BTRC: variants seen among roughly 807,000 people sequenced by gnomAD.
BTRC encodes beta-transducin repeat containing E3 ubiquitin protein ligase.
BTRC carries 42 observed loss-of-function variants against 85.5 expected under a neutral mutation model. The ratio of observed to expected loss-of-function variants is 0.49; its 90% CI spans 0.38 to 0.64. The LOEUF (loss-of-function observed/expected upper bound fraction) is 0.64, where lower values mean the gene tolerates loss of function less well. Among genes scored for constraint, BTRC ranks in the 30% least tolerant of loss-of-function variants. The probability of loss-of-function intolerance (pLI) is 0.00; values close to 1 mark genes in which losing one functional copy is unlikely to be tolerated. For missense variants in BTRC, 594 were observed against 743.5 expected, an observed-to-expected ratio of 0.80 and a Z score of 2.34; for synonymous variants, 255 against 263.3, an observed-to-expected ratio of 0.97 and a Z score of 0.30.
chr10:101,357,444 A>AAG (rs916075420), intron 1 of BTRC, among the ~76,000 whole-genome samples: 1 of 148,890 alleles, frequency 6.7e-6, no homozygotes, highest in African/African-American at 2.4e-5. Context: ...CTGTCTCAAA[A>AAG]AAAAAAAAAA....
At chr10:101,505,711 G>A (rs1589564783) in intron 4 of BTRC, among the ~76,000 whole-genome samples, 1 of 151,808 alleles carries the variant, frequency 6.6e-6, no homozygotes, top group African/African-American at 2.4e-5. Flanking sequence ...GAAATTATGG[G>A]CAATTTCCAT....
chr10:101,369,480 C>T (rs567500380), intron 1 of BTRC, among the ~76,000 whole-genome samples: 1 of 152,130 alleles, frequency 6.6e-6, no homozygotes, highest in Non-Finnish European at 1.5e-5. Flanking sequence ...TGTCATTGAG[C>T]ATTTTCTTGT....
intron 1 of BTRC, among the ~76,000 whole-genome samples, chr10:101,386,157 C>T (rs947494770): frequency 7.9e-5 from 12 of 152,184 alleles, no homozygotes; most frequent in Non-Finnish European, 1.6e-4. Context: ...GATATATGGA[C>T]AGATACACTT....
chr10:101,483,403 A>G (rs1019984820), intron 4 of BTRC, among the ~76,000 whole-genome samples: 1 of 152,192 alleles, frequency 6.6e-6, no homozygotes, highest in East Asian at 1.9e-4. Context: ...GACCAGCCCA[A>G]CCAACATGGT....
At chr10:101,404,272 C>T (rs974529524) in intron 1 of BTRC, among the ~76,000 whole-genome samples, 3 of 151,314 alleles carry the variant, frequency 2.0e-5, no homozygotes, top group African/African-American at 2.4e-5. Context: ...CCTTATGATC[C>T]GCCCTCCTCG....
chr10:101,534,520 CA>C (rs749584038), intron 9 of BTRC, 140 bp from the exon 10 acceptor site: 8 of 1,091,814 alleles, frequency 7.3e-6, no homozygotes, highest in Non-Finnish European at 9.4e-6. Context: ...GACACACTGG[CA>C]GCATCCCATC....
intron 5 of BTRC, among the ~76,000 whole-genome samples, chr10:101,522,396 G>T (rs1403109168): frequency 4.6e-5 from 2 of 43,040 alleles, no homozygotes; most frequent in African/African-American, 1.4e-4. Context: ...AAAAACTCTA[G>T]AAATAAAGAC....
intron 1 of BTRC, among the ~76,000 whole-genome samples, chr10:101,408,723 A>G (rs1207377630): frequency 1.3e-5 from 2 of 151,860 alleles, no homozygotes; most frequent in East Asian, 1.9e-4. Flanking sequence ...TGTTTTAATG[A>G]TTGCTTTAGA....
chr10:101,463,391 G>A (rs889004282), intron 3 of BTRC, among the ~76,000 whole-genome samples: 1 of 151,788 alleles, frequency 6.6e-6, no homozygotes, highest in Non-Finnish European at 1.5e-5. Context: ...TGTTGGCCAG[G>A]CTGTTCTCAG....
chr10:101,436,287 A>G (rs936629951), intron 2 of BTRC, among the ~76,000 whole-genome samples: 1 of 152,198 alleles, frequency 6.6e-6, no homozygotes, highest in Non-Finnish European at 1.5e-5. Flanking sequence ...TAGCTGAGTA[A>G]TTAAGATTCT....
intron 1 of BTRC, among the ~76,000 whole-genome samples, chr10:101,424,323 G>A (rs1944190780): frequency 6.6e-6 from 1 of 152,202 alleles, no homozygotes. Context: ...TGACAGGTGG[G>A]AGTTTTGTTT....
chr10:101,354,346 C>A, intron 1 of BTRC, 118 bp downstream of exon 1: 1 of 1,193,298 alleles, frequency 8.4e-7, no homozygotes, highest in Non-Finnish European at 1.1e-6. Flanking sequence ...AGGCTGGCGG[C>A]GGAGCGGCTG....
At chr10:101,471,944 C>CT (rs1945535707) in intron 3 of BTRC, among the ~76,000 whole-genome samples, 1 of 152,190 alleles carries the variant, frequency 6.6e-6, no homozygotes, top group Non-Finnish European at 1.5e-5. Flanking sequence ...CTGAAAGCCT[C>CT]TTTCGGCAGG....
intron 3 of BTRC, among the ~76,000 whole-genome samples, chr10:101,473,175 T>G (rs1353082879): frequency 6.6e-6 from 1 of 151,504 alleles, no homozygotes; most frequent in Admixed American, 6.6e-5. Context: ...TTTCTCTCTG[T>G]TCTTCAGTTT....
intron 1 of BTRC, among the ~76,000 whole-genome samples, chr10:101,398,701 G>A (rs887147721): frequency 2.8e-4 from 43 of 152,166 alleles, no homozygotes; most frequent in African/African-American, 8.7e-4. Context: ...GCCCTTTAGT[G>A]GAGGATTTTA....
chr10:101,547,958 T>G (rs2062584937), intron 13 of BTRC, among the ~76,000 whole-genome samples: 1 of 152,166 alleles, frequency 6.6e-6, no homozygotes, highest in African/African-American at 2.4e-5. Flanking sequence ...CCAACACCCA[T>G]TCATGATAAA....
chr10:101,414,268 G>A lies in BTRC; in HGVS notation c.49-16077G>A, dbSNP rs1427915424. Among the ~76,000 whole-genome samples, 4 of 152,202 alleles carry A rather than the reference G, an allele frequency of 2.6e-5. No homozygotes were observed. The East Asian group carries it at 7.7e-4, about 29-fold the overall frequency. ...TCAGTCAGTGATGGACTGTGTACAC[G>A]ATGGTGGTCCCTTGAGATTATAATG... On this transcript the variant is annotated intron_variant, in intron 1 of 14. Transcript: ENST00000370187.
chr10:101,483,332 C>T (rs187627101), intron 4 of BTRC, among the ~76,000 whole-genome samples: 1 of 152,332 alleles, frequency 6.6e-6, no homozygotes, highest in African/African-American at 2.4e-5. Context: ...CGGTGGCTCA[C>T]ACCTGTAATC....
intron 1 of BTRC, among the ~76,000 whole-genome samples, chr10:101,380,050 CTGTTT>C (rs1942890747): frequency 6.6e-6 from 1 of 152,076 alleles, no homozygotes; most frequent in Admixed American, 6.5e-5. Flanking sequence ...AGAATTCTAC[CTGTTT>C]TGTTAGTGTG....
Sources: allele counts gnomAD v4.1 joint callset (sites outside exome capture counted in the v4.1 genomes callset), GRCh38; gene constraint gnomAD v4.1.1; transcripts MANE v1.5; gene names NCBI Gene and HGNC (gene_info 2026-07-23, HGNC 2026-07-21).